The following OPCML variants were observed in gnomAD, a reference collection of about 807,000 sequenced individuals.
The protein encoded by OPCML is opioid-binding protein/cell adhesion molecule.
Under a neutral mutation model 37.8 loss-of-function variants are expected in OPCML, and 13 were observed. The ratio of observed to expected loss-of-function variants is 0.34; its 90% CI spans 0.22 to 0.55. The LOEUF is 0.55. OPCML is among the 20% of genes least tolerant of loss of function. The pLI, the probability that OPCML is intolerant of heterozygous loss-of-function variation, is 0.91. For synonymous variants in OPCML, 176 were observed against 168.8 expected (o/e 1.04, Z -0.33); for missense variants, 341 against 435.6 (o/e 0.78, Z 1.93).
At chr11:133,166,663 C>G (rs1035431255) in intron 1 of OPCML, among the ~76,000 whole-genome samples, 1 of 152,182 alleles carries the variant, frequency 6.6e-6, no homozygotes, top group Non-Finnish European at 1.5e-5. Flanking sequence ...CAGGCTGGCT[C>G]TGAGCCGGAC....
chr11:133,036,071 G>T lies in OPCML; in HGVS notation c.62-93061C>A, dbSNP rs540549689. Among the ~76,000 whole-genome samples, 23 of 152,230 alleles carry T rather than the reference G, an allele frequency of 1.5e-4. No individual in the cohort carries two copies. The East Asian group carries it at 3.7e-3, about 24-fold the overall frequency. On this transcript the variant is annotated intron_variant, in intron 1 of 7. Transcript: ENST00000524381. ...ACTAATACATCAACATGAAGACCAG[G>T]TTTTCTTAAAGTAGTTGAGATTTAG...
At chr11:133,044,371 C>A (rs1028401526) in intron 1 of OPCML, among the ~76,000 whole-genome samples, 8 of 152,152 alleles carry the variant, frequency 5.3e-5, no homozygotes, top group Non-Finnish European at 2.9e-5. Flanking sequence ...TAAGCTATGA[C>A]TCTTGAGCAT....
chr11:133,483,400 A>G (rs1460193722), intron 1 of OPCML, among the ~76,000 whole-genome samples: 2 of 151,960 alleles, frequency 1.3e-5, no homozygotes, highest in Admixed American at 6.6e-5. Context: ...AGATAAATAG[A>G]TGATTGATAG....
chr11:133,530,297 G>A (rs1172341454), intron 1 of OPCML, among the ~76,000 whole-genome samples: 1 of 152,236 alleles, frequency 6.6e-6, no homozygotes, highest in African/African-American at 2.4e-5. Context: ...CTCCTTCAGG[G>A]CGCGCTGCAA....
At chr11:133,020,576 G>C (rs918385741) in intron 1 of OPCML, among the ~76,000 whole-genome samples, 5 of 152,186 alleles carry the variant, frequency 3.3e-5, no homozygotes, top group African/African-American at 1.2e-4. Context: ...TGCAGAGCAG[G>C]CAGCTGGGAT....
At chr11:133,482,926 T>G (rs1947410624) in intron 1 of OPCML, among the ~76,000 whole-genome samples, 1 of 152,124 alleles carries the variant, frequency 6.6e-6, no homozygotes, top group Non-Finnish European at 1.5e-5. Flanking sequence ...TTGATCACAT[T>G]GAAATTAAAA....
chr11:133,016,790 A>T (rs1947343286), intron 1 of OPCML, among the ~76,000 whole-genome samples: 1 of 152,144 alleles, frequency 6.6e-6, no homozygotes, highest in Admixed American at 6.5e-5. Flanking sequence ...GCACACAAAC[A>T]TCCTCACAGG....
chr11:132,539,594 G>A (rs1053455276), intron 3 of OPCML, among the ~76,000 whole-genome samples: 1 of 152,072 alleles, frequency 6.6e-6, no homozygotes, highest in African/African-American at 2.4e-5. Flanking sequence ...CATAGTGATG[G>A]TGATAGATGA....
chr11:133,108,349 T>C (rs1024405284), intron 1 of OPCML, among the ~76,000 whole-genome samples: 9 of 152,160 alleles, frequency 5.9e-5, no homozygotes, highest in African/African-American at 1.9e-4. Flanking sequence ...AGTGCACAGA[T>C]ACCTGGCTAC....
intron 1 of OPCML, among the ~76,000 whole-genome samples, chr11:133,267,616 C>T (rs1343827347): frequency 6.6e-6 from 1 of 152,136 alleles, no homozygotes; most frequent in Non-Finnish European, 1.5e-5. Flanking sequence ...TGCCTTCTGC[C>T]TTTTAAATTT....
chr11:132,479,624 T>C (rs1042367258), intron 4 of OPCML, among the ~76,000 whole-genome samples: 1 of 152,216 alleles, frequency 6.6e-6, no homozygotes, highest in African/African-American at 2.4e-5. Context: ...TAAATGTCCC[T>C]GTCTGACAGC....
chr11:133,287,366 C>A (rs2136527323), intron 1 of OPCML, among the ~76,000 whole-genome samples: 1 of 146,570 alleles, frequency 6.8e-6, no homozygotes, highest in East Asian at 2.0e-4. Flanking sequence ...CTCACCTTGG[C>A]CTCCCGACGT....
intron 2 of OPCML, among the ~76,000 whole-genome samples, chr11:132,908,759 C>T (rs1944326979): frequency 6.6e-6 from 1 of 152,230 alleles, no homozygotes; most frequent in Admixed American, 6.5e-5. Flanking sequence ...TAAATTGGCC[C>T]TGCCTTTGCA....
chr11:133,486,488 A>G (rs779444853), intron 1 of OPCML, among the ~76,000 whole-genome samples: 15 of 151,966 alleles, frequency 9.9e-5, no homozygotes, highest in Non-Finnish European at 1.3e-4. Flanking sequence ...TCAGAATTAC[A>G]CTATCAGGTT....
intron 3 of OPCML, among the ~76,000 whole-genome samples, chr11:132,637,697 C>T (rs1293911296): frequency 6.6e-6 from 1 of 152,080 alleles, no homozygotes; most frequent in Non-Finnish European, 1.5e-5. Flanking sequence ...TCCTCCTATT[C>T]CCTCAGGCAT....
intron 1 of OPCML, among the ~76,000 whole-genome samples, chr11:133,413,760 A>G (rs897912523): frequency 6.6e-6 from 1 of 152,198 alleles, no homozygotes; most frequent in Non-Finnish European, 1.5e-5. Flanking sequence ...AACTGTGCTT[A>G]ATTAAACATT....
At chr11:133,329,350 C>A (rs867516434) in intron 1 of OPCML, among the ~76,000 whole-genome samples, 268 of 152,112 alleles carry the variant, frequency 1.8e-3, no homozygotes, top group African/African-American at 6.0e-3. Flanking sequence ...GTTCATATGG[C>A]ACCAAAAAAG....
chr11:133,521,252 C>T (rs1948391268), intron 1 of OPCML, among the ~76,000 whole-genome samples: 2 of 152,172 alleles, frequency 1.3e-5, no homozygotes, highest in South Asian at 4.1e-4. Context: ...GTATTCAATA[C>T]ATTAAACTGC....
intron 1 of OPCML, among the ~76,000 whole-genome samples, chr11:133,362,816 A>C (rs1285908385): frequency 1.3e-5 from 2 of 151,836 alleles, no homozygotes; most frequent in Non-Finnish European, 2.9e-5. Context: ...CCCACGTCCT[A>C]ATCCCACTAC....
Sources: allele counts gnomAD v4.1 joint callset (sites outside exome capture counted in the v4.1 genomes callset), GRCh38; gene constraint gnomAD v4.1.1; transcripts MANE v1.5; gene names NCBI Gene and HGNC (gene_info 2026-07-23, HGNC 2026-07-21).